RIC1: variants seen among roughly 807,000 people sequenced by gnomAD.
RIC1 encodes RIC1 partner of RAB6A GEF complex.
Under a neutral mutation model 169.0 loss-of-function variants are expected in RIC1, and 88 were observed. The observed-to-expected ratio is 0.52, with a 90% confidence interval of 0.44 to 0.62. The LOEUF (loss-of-function observed/expected upper bound fraction) is 0.62, where lower values mean the gene tolerates loss of function less well. RIC1 is among the 20% of genes least tolerant of loss of function. The pLI is 0.00. For synonymous variants in RIC1, 790 were observed against 601.5 expected, an observed-to-expected ratio of 1.31 and a Z score of -4.59; for missense variants, 1,877 against 1,725.5, an observed-to-expected ratio of 1.09 and a Z score of -1.56.
chr9:5,705,544 GAATTTT>G (rs1271673074), intron 3 of RIC1, among the ~76,000 whole-genome samples: 19 of 152,128 alleles, frequency 1.2e-4, no homozygotes. Flanking sequence ...GGATTCTTTA[GAATTTT>G]CTATATATAC....
At chr9:5,718,842 CT>C (rs1587011020) in intron 4 of RIC1, among the ~76,000 whole-genome samples, 1 of 152,084 alleles carries the variant, frequency 6.6e-6, no homozygotes, top group Non-Finnish European at 1.5e-5. Flanking sequence ...TGTTTCTGAT[CT>C]TTTTCAGTAT....
In RIC1 at chr9:5,661,332, A is replaced by C. The variant is rs182932904; in HGVS notation, c.252+4642A>C. Among the ~76,000 whole-genome samples the C allele has an allele frequency of 6.8e-4, 104 of 152,340 alleles. 1 individual carries two copies. The East Asian group carries it at 0.015, about 22-fold the overall frequency. On this transcript the variant is annotated intron_variant, in intron 2 of 25. Coordinates refer to ENST00000414202, the MANE Select transcript of RIC1 (RefSeq NM_020829.4). Reference sequence around the variant, plus strand: ...GCTATTCGGACTCTTTGTTGGTTCCATATGAATTTTAAAATAGCTTTTTTC... The same window carrying C: ...GCTATTCGGACTCTTTGTTGGTTCCCTATGAATTTTAAAATAGCTTTTTTC...
At chr9:5,666,765 A>C (rs932082157) in intron 2 of RIC1, among the ~76,000 whole-genome samples, 1 of 151,760 alleles carries the variant, frequency 6.6e-6, no homozygotes, top group Non-Finnish European at 1.5e-5. Flanking sequence ...TTTGCTGAGG[A>C]CTTTTGCATC....
chr9:5,724,228 AT>A (rs1469964523), intron 6 of RIC1, among the ~76,000 whole-genome samples: 1 of 152,032 alleles, frequency 6.6e-6, no homozygotes. Context: ...GTCCTCTTTT[AT>A]TTCGTTGAGC....
chr9:5,629,582 G>A, intron 1 of RIC1, 129 bp downstream of exon 1: 1 of 1,054,838 alleles, frequency 9.5e-7, no homozygotes, highest in Admixed American at 3.7e-5. Flanking sequence ...TTCGCAGTCC[G>A]CGTCCTCGTT....
At chr9:5,720,043 A>G (rs1456559821) in intron 4 of RIC1, 139 bp from the exon 5 acceptor site, 4 of 591,514 alleles carry the variant, frequency 6.8e-6, no homozygotes, top group Non-Finnish European at 1.1e-5. Flanking sequence ...ATACATAGAT[A>G]AAGTTGCAGA....
chr9:5,676,005 T>C (rs1350531594), intron 2 of RIC1, among the ~76,000 whole-genome samples: 3 of 152,228 alleles, frequency 2.0e-5, no homozygotes, highest in African/African-American at 7.2e-5. Context: ...CCCTTGGTCA[T>C]TCCTGGGCCT....
chr9:5,696,727 A>G (rs559719462), intron 3 of RIC1, among the ~76,000 whole-genome samples: 7 of 152,194 alleles, frequency 4.6e-5, no homozygotes, highest in Non-Finnish European at 1.0e-4. Context: ...ATAAATACCT[A>G]GGAATAGAAT....
chr9:5,651,525 C>A lies in RIC1; in HGVS notation c.145-5058C>A, dbSNP rs575031254. On this transcript the variant is annotated intron_variant, in intron 1 of 25. Coordinates refer to ENST00000414202, the MANE Select transcript of RIC1 (RefSeq NM_020829.4). ...CTTTATGTTTTTCTTCCAGTAGTTTCATAGTTTTGGGTCTTACATTTAAGT... is the reference window on the plus strand; with the variant it reads ...CTTTATGTTTTTCTTCCAGTAGTTTAATAGTTTTGGGTCTTACATTTAAGT... Among the ~76,000 whole-genome samples, 44 of 139,594 alleles carry A rather than the reference C, an allele frequency of 3.2e-4. 1 individual carries two copies. Among genetic ancestry groups the A allele is most frequent in the Admixed American group, 1.4e-3 (20 of 14,138 alleles). 91.6% of individuals were successfully genotyped at this position (139,594 alleles called of 152,430 possible). A position where few individuals can be genotyped will look rare whatever the true frequency, so the allele number is the denominator to read the frequency against.
intron 4 of RIC1, among the ~76,000 whole-genome samples, chr9:5,714,487 G>GA (rs1344619853): frequency 2.6e-5 from 4 of 152,158 alleles, no homozygotes; most frequent in African/African-American, 7.2e-5. Context: ...CCCATTGGTA[G>GA]AAAAAATCTT....
chr9:5,757,433 C>G lies in RIC1; in HGVS notation c.1974C>G (p.Thr658=). ...CAGTGAGTACAGAGAATGGAATCAC[C>G]TTGAAAATGCCACAGCAGGTACCAC... is the stretch of plus-strand genomic sequence containing the variant. ...LTSVSTENGI[T]LKMPQQARGA... is the part of the protein sequence containing the mutation. Residue 658 remains threonine, a synonymous_variant, in exon 17 of 26, where the codon ACC becomes ACG. Transcript: ENST00000414202. 1 of 1,614,014 alleles carries G rather than the reference C, an allele frequency of 6.2e-7. No homozygotes were observed. Among genetic ancestry groups the G allele is most frequent in the Non-Finnish European group, 8.5e-7 (1 of 1,179,936 alleles).
chr9:5,749,236 C>T (rs4742121), intron 12 of RIC1, among the ~76,000 whole-genome samples: 152,075 of 152,328 alleles, frequency 1, 75,913 homozygotes, highest in Middle Eastern at 1. Context: ...CATAATACAC[C>T]ACTGACCTTG....
chr9:5,703,900 G>T (rs1031294865), intron 3 of RIC1, among the ~76,000 whole-genome samples: 3 of 152,062 alleles, frequency 2.0e-5, no homozygotes, highest in Non-Finnish European at 2.9e-5. Context: ...TTATTTTTGG[G>T]TATATACCTG....
In RIC1 at chr9:5,742,979, G is replaced by T. The variant is rs984896567; in HGVS notation, c.1012G>T (p.Ala338Ser). 4.3e-6 allele frequency: 7 copies of T among 1,613,090 alleles called. No individual in the cohort carries two copies. The Admixed American group carries it at 1.0e-4, about 23-fold the overall frequency. The change falls in exon 9 of 26, where the codon GCA (alanine) becomes TCA (serine). Residue 338 changes from alanine to serine, a missense_variant. Physicochemically the swap from Ala to Ser is moderately conservative, Grantham distance 99. Coordinates refer to ENST00000414202, the MANE Select transcript of RIC1 (RefSeq NM_020829.4). ...GGLSLWSVFG[A>S]QLICTLGGDF... ...CCTTTCTTTATGGAGTGTTTTTGGA[G>T]CACAGCTGATTTGTACACTTGGAGG...
In RIC1 at chr9:5,746,027, C is replaced by T. The variant is rs1343461428; in HGVS notation, c.1192C>T (p.Pro398Ser). The T allele has an allele frequency of 2.5e-6, 4 of 1,613,392 alleles. No homozygotes were observed. The highest frequency in any genetic ancestry group is 8.5e-7 in the Non-Finnish European group (1 of 1,179,526). The part of the protein sequence containing the change: ...ESDLRSVVKQ[P>S]SILLFQFIKS... ...TGACCTCAGGAGTGTAGTTAAACAG[C>T]CCAGCATCCTGTTATTTCAGTTTAT... The change falls in exon 11 of 26, where the codon CCC becomes TCC. Residue 398 changes from proline to serine, a missense_variant. This residue lies in a region of RIC1 where 1,104 missense variants were observed against 992.0 expected (regional missense o/e 1.11). Transcript: ENST00000414202.
At chr9:5,676,442 A>G (rs1408759773) in intron 2 of RIC1, among the ~76,000 whole-genome samples, 1 of 152,208 alleles carries the variant, frequency 6.6e-6, no homozygotes, top group Non-Finnish European at 1.5e-5. Flanking sequence ...GTGTATTAAA[A>G]TTAATTTGTT....
intron 2 of RIC1, among the ~76,000 whole-genome samples, chr9:5,672,128 G>A (rs1820144682): frequency 6.6e-6 from 1 of 152,200 alleles, no homozygotes; most frequent in African/African-American, 2.4e-5. Flanking sequence ...CAGCTCAGCA[G>A]TATGTGAGCT....
intron 6 of RIC1, among the ~76,000 whole-genome samples, chr9:5,731,297 C>G (rs559794062): frequency 5.9e-5 from 9 of 152,058 alleles, no homozygotes; most frequent in African/African-American, 2.2e-4. Context: ...AGCAGCAGTT[C>G]AGAGAAATAA....
chr9:5,747,268 C>T (rs752780744), intron 11 of RIC1, 34 bp from the exon 12 acceptor site: 4 of 1,551,050 alleles, frequency 2.6e-6, no homozygotes, highest in Non-Finnish European at 3.6e-6. Flanking sequence ...TTGTTTTCCT[C>T]CTTTGCCCTT....
Sources: allele counts gnomAD v4.1 joint callset (sites outside exome capture counted in the v4.1 genomes callset), GRCh38; gene constraint gnomAD v4.1.1; regional missense constraint gnomAD v4.1.1; transcripts MANE v1.5; gene names NCBI Gene and HGNC (gene_info 2026-07-23, HGNC 2026-07-21).